RTN4: variants seen among roughly 807,000 people sequenced by gnomAD.
RTN4 encodes the protein reticulon-4.
Under a neutral mutation model 90.4 loss-of-function variants are expected in RTN4, and 32 were observed. That is an observed-to-expected ratio of 0.35 (90% CI 0.27 to 0.48). The LOEUF (loss-of-function observed/expected upper bound fraction) is 0.48. RTN4 is among the 20% of genes least tolerant of loss of function. RTN4 has a pLI of 0.99. For missense variants in RTN4, 1,706 were observed against 1,430.2 expected (o/e 1.19, Z -3.11); for synonymous variants, 629 against 552.5 (o/e 1.14, Z -1.94).
At chr2:55,105,886 C>T (rs1253194908) in intron 1 of RTN4, among the ~76,000 whole-genome samples, 1 of 152,044 alleles carries the variant, frequency 6.6e-6, no homozygotes, top group African/African-American at 2.4e-5. Flanking sequence ...AGGCTGAGGC[C>T]AGAGGATCGC....
intron 1 of RTN4, among the ~76,000 whole-genome samples, chr2:55,109,961 G>A (rs1668007389): frequency 6.6e-6 from 1 of 152,174 alleles, no homozygotes; most frequent in Non-Finnish European, 1.5e-5. Context: ...ATATTCAGAA[G>A]TGGTAAGAAA....
At position 55,026,636 on chromosome 2, in the gene RTN4, G is replaced by A. The variant is rs1385460199; in HGVS notation, c.1463C>T (p.Ser488Leu). Reference sequence around the variant, plus strand: ...TTTTTTTTCATCGGTCTTATTTTCTGAAGTAGGATCTCCTAACAAAGGAAA... The same window carrying A: ...TTTTTTTTCATCGGTCTTATTTTCTAAAGTAGGATCTCCTAACAAAGGAAA... ...NIFPLLGDPT[S>L]ENKTDEKKIE... is the part of the protein sequence containing the mutation. The change falls in exon 3 of 9, where the codon TCA becomes TTA. Residue 488 changes from serine to leucine, a missense_variant. By Grantham distance (145) the Ser-to-Leu change is moderately radical (BLOSUM62 -2). Transcript: ENST00000337526. The A allele has an allele frequency of 6.2e-7, 1 of 1,612,560 alleles. No homozygotes were observed. Among genetic ancestry groups the A allele is most frequent in the South Asian group, 1.1e-5 (1 of 91,060 alleles).
intron 1 of RTN4, among the ~76,000 whole-genome samples, chr2:55,048,835 T>C (rs1260801052): frequency 2.0e-5 from 3 of 152,214 alleles, no homozygotes; most frequent in African/African-American, 7.2e-5. Context: ...TCCACAGGTT[T>C]TCCCTTCTTT....
At chr2:55,133,575 C>T in the RTN4 span, among the ~76,000 whole-genome samples, 1 of 152,192 alleles carries the variant, frequency 6.6e-6, no homozygotes, top group African/African-American at 2.4e-5. Context: ...CCTCACAAGG[C>T]TGTAAGGTAC....
intron 3 of RTN4, among the ~76,000 whole-genome samples, chr2:55,008,122 T>C (rs893118207): frequency 6.8e-6 from 1 of 147,508 alleles, no homozygotes; most frequent in African/African-American, 2.5e-5. Context: ...GTATCTTAAA[T>C]ACCAGTTAAT....
chr2:55,087,376 A>G (rs969813472), intron 1 of RTN4, among the ~76,000 whole-genome samples: 3 of 152,144 alleles, frequency 2.0e-5, no homozygotes, highest in Admixed American at 6.5e-5. Flanking sequence ...AGCTTTTATC[A>G]TTGTTGTTTT....
At chr2:55,106,095 G>A (rs968576727) in intron 1 of RTN4, among the ~76,000 whole-genome samples, 5 of 151,926 alleles carry the variant, frequency 3.3e-5, no homozygotes, top group Non-Finnish European at 7.4e-5. Flanking sequence ...CTACTATTTG[G>A]GGGGTTGTAC....
At chr2:54,982,058 G>A (rs1024772474) in intron 5 of RTN4, among the ~76,000 whole-genome samples, 11 of 151,974 alleles carry the variant, frequency 7.2e-5, no homozygotes, top group African/African-American at 1.2e-4. Flanking sequence ...GGGTTCAAGC[G>A]ATTCTCCTGT....
At chr2:55,017,791 G>A (rs1009211119) in intron 3 of RTN4, among the ~76,000 whole-genome samples, 9 of 152,200 alleles carry the variant, frequency 5.9e-5, no homozygotes, top group African/African-American at 1.7e-4. Flanking sequence ...TTACATATGT[G>A]AGAAAATGTA....
At chr2:55,091,606 T>G (rs543982399) in intron 1 of RTN4, among the ~76,000 whole-genome samples, 1 of 152,320 alleles carries the variant, frequency 6.6e-6, no homozygotes, top group East Asian at 1.9e-4. Context: ...GGCAGGAGGA[T>G]TGCTTGAGCC....
At chr2:55,037,763 T>C (rs928129136) in intron 1 of RTN4, among the ~76,000 whole-genome samples, 1 of 152,082 alleles carries the variant, frequency 6.6e-6, no homozygotes, top group African/African-American at 2.4e-5. Context: ...CCAATCAAAT[T>C]CATAACAGGC....
chr2:55,025,808 A>T lies in RTN4; in HGVS notation c.2291T>A (p.Val764Glu), dbSNP rs199710712. The part of the protein sequence containing the change: ...PDVPQKQDET[V>E]MLVKESLTET... ...AGTGAGACTTTCTTTCACAAGCATCACAGTTTCATCTTGTTTTTGTGGAAC... is the reference window on the plus strand; with the variant it reads ...AGTGAGACTTTCTTTCACAAGCATCTCAGTTTCATCTTGTTTTTGTGGAAC... The change falls in exon 3 of 9, where the codon GTG (valine) becomes GAG (glutamate). Residue 764 changes from valine to glutamate, a missense_variant. Transcript: ENST00000337526. 2.8e-4 allele frequency: 451 copies of T among 1,613,608 alleles called. 4 individuals are homozygous for T. The South Asian group carries it at 4.7e-3, about 17-fold the overall frequency.
At chr2:55,032,835 T>C (rs747764512) in intron 1 of RTN4, among the ~76,000 whole-genome samples, 14 of 151,726 alleles carry the variant, frequency 9.2e-5, no homozygotes, top group Non-Finnish European at 2.1e-4. Context: ...GGGACACCAG[T>C]TTGGACAACA....
At chr2:55,038,606 A>T (rs948363586) in intron 1 of RTN4, among the ~76,000 whole-genome samples, 3 of 152,226 alleles carry the variant, frequency 2.0e-5, no homozygotes, top group Non-Finnish European at 4.4e-5. Context: ...GTTAGAATTT[A>T]AAAAACTGAC....
At chr2:55,077,692 A>C (rs1044514112) in intron 2 of RTN4, among the ~76,000 whole-genome samples, 1 of 151,954 alleles carries the variant, frequency 6.6e-6, no homozygotes, top group Admixed American at 6.6e-5. Flanking sequence ...CAATTCGCAA[A>C]TGCAAAAAAA....
chr2:55,119,714 G>T, the RTN4 span, among the ~76,000 whole-genome samples: 8 of 152,284 alleles, frequency 5.3e-5, no homozygotes, highest in Non-Finnish European at 1.2e-4. Flanking sequence ...GTTCCCCAGG[G>T]ATCTCCCAGG....
intron 5 of RTN4, among the ~76,000 whole-genome samples, chr2:54,977,554 G>C (rs1037409815): frequency 1.3e-5 from 2 of 152,040 alleles, no homozygotes; most frequent in Non-Finnish European, 2.9e-5. Context: ...ACAGCTTTTT[G>C]GGATTTGAGG....
chr2:55,134,224 T>C, the RTN4 span, among the ~76,000 whole-genome samples: 1,311 of 150,272 alleles, frequency 8.7e-3, 9 homozygotes, highest in Non-Finnish European at 0.015. Flanking sequence ...TGGGTTTTGA[T>C]TGATTTTCAC....
At chr2:55,081,184 C>T (rs924091204) in intron 1 of RTN4, among the ~76,000 whole-genome samples, 3 of 152,184 alleles carry the variant, frequency 2.0e-5, no homozygotes, top group Admixed American at 2.0e-4. Flanking sequence ...AGTGATCCTC[C>T]TGCCTCAGCC....
Sources: allele counts gnomAD v4.1 joint callset (sites outside exome capture counted in the v4.1 genomes callset), GRCh38; gene constraint gnomAD v4.1.1; transcripts MANE v1.5; gene names NCBI Gene and HGNC (gene_info 2026-07-23, HGNC 2026-07-21).